Variants in FSTL5 observed in about 807,000 individuals in gnomAD.
FSTL5 encodes the protein follistatin-related protein 5.
A neutral mutation model predicts 89.1 loss-of-function variants in FSTL5; 62 were observed. That is an observed-to-expected ratio of 0.70 (90% CI 0.57 to 0.86). FSTL5 has a LOEUF of 0.86. Among genes scored for constraint, FSTL5 ranks in the 40% least tolerant of loss-of-function variants. The probability of loss-of-function intolerance (pLI) is 0.00; values close to 1 mark genes in which losing one functional copy is unlikely to be tolerated. For missense variants in FSTL5, 1,057 were observed against 1,001.6 expected, an observed-to-expected ratio of 1.06 and a Z score of -0.75; for synonymous variants, 383 against 346.2, an observed-to-expected ratio of 1.11 and a Z score of -1.18.
chr4:161,724,213 G>T (rs1739315206), intron 6 of FSTL5, among the ~76,000 whole-genome samples: 1 of 152,086 alleles, frequency 6.6e-6, no homozygotes, highest in South Asian at 2.1e-4. Flanking sequence ...AAATGCAAAT[G>T]AAGAGAGGTG....
intron 2 of FSTL5, among the ~76,000 whole-genome samples, chr4:162,089,956 C>T (rs567117031): frequency 2.6e-5 from 4 of 151,772 alleles, no homozygotes; most frequent in African/African-American, 7.3e-5. Flanking sequence ...TTTTTCCATC[C>T]GATCTTCAAT....
At chr4:161,500,823 C>T (rs1362420825) in intron 11 of FSTL5, among the ~76,000 whole-genome samples, 2 of 152,080 alleles carry the variant, frequency 1.3e-5, no homozygotes, top group African/African-American at 4.8e-5. Flanking sequence ...TCATCTCCCC[C>T]CACTTTCTAA....
At chr4:161,975,533 C>T (rs1228434742) in intron 3 of FSTL5, among the ~76,000 whole-genome samples, 2 of 143,214 alleles carry the variant, frequency 1.4e-5, no homozygotes, top group African/African-American at 2.6e-5. Context: ...TATTCTCACT[C>T]ATAGGTGGGA....
chr4:161,448,101 G>A (rs1266376050), intron 15 of FSTL5, among the ~76,000 whole-genome samples: 1 of 152,084 alleles, frequency 6.6e-6, no homozygotes, highest in African/African-American at 2.4e-5. Flanking sequence ...TTGAGAGAGT[G>A]TAGACAGAGT....
At chr4:162,149,493 T>C (rs1733142757) in intron 1 of FSTL5, among the ~76,000 whole-genome samples, 2 of 150,882 alleles carry the variant, frequency 1.3e-5, no homozygotes, top group Admixed American at 1.3e-4. Flanking sequence ...AAAAAAAAAT[T>C]AGTTCTGTGT....
chr4:161,897,292 T>C (rs575097940), intron 4 of FSTL5, among the ~76,000 whole-genome samples: 1 of 151,884 alleles, frequency 6.6e-6, no homozygotes, highest in South Asian at 2.1e-4. Flanking sequence ...TAATGGTATG[T>C]ATATTTTTGA....
At chr4:161,609,685 A>T (rs1734573272) in intron 7 of FSTL5, among the ~76,000 whole-genome samples, 1 of 152,030 alleles carries the variant, frequency 6.6e-6, no homozygotes, top group Non-Finnish European at 1.5e-5. Context: ...CTGGAAGAAG[A>T]CATGAGATTC....
chr4:161,897,189 ATAT>A (rs1180844106), intron 4 of FSTL5, among the ~76,000 whole-genome samples: 8 of 152,020 alleles, frequency 5.3e-5, no homozygotes, highest in African/African-American at 9.6e-5. Flanking sequence ...GAAATAAAAA[ATAT>A]TATTGAGAAA....
At chr4:161,718,233 T>A (rs1213420286) in intron 6 of FSTL5, among the ~76,000 whole-genome samples, 1 of 152,172 alleles carries the variant, frequency 6.6e-6, no homozygotes, top group Non-Finnish European at 1.5e-5. Context: ...CAGTTTATTA[T>A]CAGTAATGTT....
At chr4:161,718,846 A>G (rs895374179) in intron 6 of FSTL5, among the ~76,000 whole-genome samples, 1 of 152,224 alleles carries the variant, frequency 6.6e-6, no homozygotes, top group Non-Finnish European at 1.5e-5. Context: ...ACTATACTGA[A>G]CAAACCAAAA....
At chr4:161,525,139 A>C (rs1731174519) in intron 10 of FSTL5, among the ~76,000 whole-genome samples, 1 of 152,030 alleles carries the variant, frequency 6.6e-6, no homozygotes, top group Non-Finnish European at 1.5e-5. Context: ...AACAGCAATT[A>C]TTTTATTCTA....
intron 7 of FSTL5, among the ~76,000 whole-genome samples, chr4:161,606,167 A>G (rs1734430769): frequency 6.6e-6 from 1 of 151,860 alleles, no homozygotes; most frequent in Non-Finnish European, 1.5e-5. Flanking sequence ...GGCCAAGATC[A>G]GTGAAGTTCA....
At chr4:161,438,956 T>C (rs1480168316) in intron 15 of FSTL5, among the ~76,000 whole-genome samples, 1 of 150,128 alleles carries the variant, frequency 6.7e-6, no homozygotes, top group Admixed American at 6.6e-5. Flanking sequence ...ATATTGATGA[T>C]TATAGTTTTT....
intron 1 of FSTL5, among the ~76,000 whole-genome samples, chr4:162,143,796 A>C (rs1254872106): frequency 3.0e-5 from 1 of 33,780 alleles, no homozygotes; most frequent in Non-Finnish European, 7.9e-5. Context: ...ACACACACAC[A>C]CACACACACA....
At chr4:161,662,987 A>C (rs981207715) in intron 6 of FSTL5, among the ~76,000 whole-genome samples, 1 of 152,276 alleles carries the variant, frequency 6.6e-6, no homozygotes, top group Admixed American at 6.5e-5. Flanking sequence ...AGGAAGAAGC[A>C]AAGGGACACC....
intron 2 of FSTL5, among the ~76,000 whole-genome samples, chr4:162,041,555 T>C (rs1013517991): frequency 6.6e-5 from 10 of 152,186 alleles, no homozygotes; most frequent in Admixed American, 4.6e-4. Context: ...TCCTTCAGTT[T>C]AATATTTTGA....
At chr4:161,523,298 C>G (rs1403826628) in intron 10 of FSTL5, among the ~76,000 whole-genome samples, 3 of 152,134 alleles carry the variant, frequency 2.0e-5, no homozygotes, top group Non-Finnish European at 4.4e-5. Flanking sequence ...AATTGTCTTT[C>G]TGGCCAAACC....
intron 2 of FSTL5, among the ~76,000 whole-genome samples, chr4:162,062,944 C>T (rs866560585): frequency 6.6e-6 from 1 of 151,442 alleles, no homozygotes; most frequent in Non-Finnish European, 1.5e-5. Flanking sequence ...TTCATGGTTT[C>T]TTGCCTTAGG....
At chr4:161,605,924 G>A (rs954483479) in intron 7 of FSTL5, among the ~76,000 whole-genome samples, 4 of 149,490 alleles carry the variant, frequency 2.7e-5, no homozygotes, top group African/African-American at 1.0e-4. Flanking sequence ...CAAATGTAAT[G>A]CAAGCAGAGA....
Sources: gnomAD v4.1 joint callset for allele counts (sites outside exome capture counted in the v4.1 genomes callset) on GRCh38, gnomAD v4.1.1 for gene constraint, MANE v1.5 for transcripts, NCBI Gene and HGNC (gene_info 2026-07-23, HGNC 2026-07-21) for gene names.